The following FOCAD variants were observed in gnomAD, a reference collection of about 807,000 sequenced individuals.
FOCAD encodes focadhesin, also known as KIAA1797.
FOCAD carries 198 observed loss-of-function variants against 225.6 expected under a neutral mutation model. That is an observed-to-expected ratio of 0.88 (90% CI 0.78 to 0.99). The LOEUF (loss-of-function observed/expected upper bound fraction) is 0.99, where lower values mean the gene tolerates loss of function less well. Ranked by LOEUF, FOCAD falls within the 50% of genes least tolerant of loss-of-function variation. The pLI, the probability that FOCAD is intolerant of heterozygous loss-of-function variation, is 0.00. For synonymous variants in FOCAD, 897 were observed against 755.0 expected (o/e 1.19, Z -3.08); for missense variants, 2,713 against 2,123.6 (o/e 1.28, Z -5.46).
upstream of FOCAD, among the ~76,000 whole-genome samples, chr9:20,679,855 C>T (rs886813931): frequency 6.6e-6 from 1 of 151,980 alleles, no homozygotes; most frequent in African/African-American, 2.4e-5. Context: ...GCTGGGCCTT[C>T]TGGAATTAAG....
At chr9:20,694,001 G>A (rs1463152764) in intron 1 of FOCAD, among the ~76,000 whole-genome samples, 13 of 152,174 alleles carry the variant, frequency 8.5e-5, no homozygotes, top group South Asian at 4.1e-4. Flanking sequence ...GTGAGCCACC[G>A]TGCCCAGCTG....
upstream of FOCAD, among the ~76,000 whole-genome samples, chr9:20,681,766 T>G (rs75216315): frequency 1.6e-3 from 245 of 152,328 alleles, 4 homozygotes; most frequent in East Asian, 0.035. Context: ...CCCTGCTGAA[T>G]TGCAGTTCCT....
chr9:20,792,467 G>A (rs750937619), intron 11 of FOCAD, among the ~76,000 whole-genome samples: 3 of 152,226 alleles, frequency 2.0e-5, no homozygotes, highest in African/African-American at 4.8e-5. Context: ...TCCTCAAAAC[G>A]TATCCCCATT....
At chr9:20,804,092 G>A (rs542143244) in intron 11 of FOCAD, among the ~76,000 whole-genome samples, 61 of 152,120 alleles carry the variant, frequency 4.0e-4, no homozygotes, top group African/African-American at 1.3e-3. Flanking sequence ...AGGTGGGTTC[G>A]ATTCACACCT....
chr9:20,829,372 T>C (rs559279383), intron 15 of FOCAD, among the ~76,000 whole-genome samples: 176 of 152,240 alleles, frequency 1.2e-3, no homozygotes, highest in African/African-American at 4.1e-3. Context: ...TGATTTGCAT[T>C]TCTCTGATGA....
At chr9:20,712,501 A>T (rs1331089577) in intron 1 of FOCAD, among the ~76,000 whole-genome samples, 1 of 143,340 alleles carries the variant, frequency 7.0e-6, no homozygotes, top group African/African-American at 2.6e-5. Context: ...TCTACTAAAA[A>T]TACAAAAATT....
At chr9:20,669,115 G>C (rs1821982475) in intron 2 of FOCAD, among the ~76,000 whole-genome samples, 1 of 152,138 alleles carries the variant, frequency 6.6e-6, no homozygotes, top group Non-Finnish European at 1.5e-5. Context: ...TGGGGGCCTT[G>C]TGCTTCACCA....
intron 4 of FOCAD, among the ~76,000 whole-genome samples, chr9:20,731,168 G>A (rs1156767212): frequency 6.6e-6 from 1 of 152,180 alleles, no homozygotes; most frequent in African/African-American, 2.4e-5. Flanking sequence ...AACCCAGGAG[G>A]TGGAGGTTGC....
At chr9:20,720,267 A>G in intron 3 of FOCAD, 113 bp from the exon 4 acceptor site, 1 of 1,017,444 alleles carries the variant, frequency 9.8e-7, no homozygotes. Context: ...TCATCTTTAT[A>G]AAGGAAAGCT....
Position 20,890,648 on chromosome 9 carries a change from G to A in FOCAD, c.2625+5418G>A, listed in dbSNP as rs535917466. Among the ~76,000 whole-genome samples the A allele has an allele frequency of 2.6e-5, 4 of 152,094 alleles. No homozygotes were observed. In the East Asian group the frequency reaches 5.8e-4, roughly 22 times the overall value. On this transcript the variant is annotated intron_variant, in intron 21 of 43. Transcript: ENST00000338382. ...TCTGTAGTTTTCTTGTAGTAATTTT[G>A]CCTGGTTGTGTTATCAGGGTAATTT...
Position 20,980,401 on chromosome 9 carries a change from G to A in FOCAD, c.4378-1025G>A, listed in dbSNP as rs568884963. On this transcript the variant is annotated intron_variant, in intron 37 of 43. Coordinates refer to ENST00000338382, the MANE Select transcript of FOCAD (RefSeq NM_001375567.1). ...TTTCCAGCCTGTTGGGTTGGCCTTCGAAATTTTCCTAAATTTTACTTATCC... is the reference window on the plus strand; with the variant it reads ...TTTCCAGCCTGTTGGGTTGGCCTTCAAAATTTTCCTAAATTTTACTTATCC... 7.9e-5 allele frequency among the ~76,000 whole-genome samples: 12 copies of A among 152,018 alleles called. No homozygotes were observed. The East Asian group carries it at 1.2e-3, about 15-fold the overall frequency.
intron 5 of FOCAD, among the ~76,000 whole-genome samples, chr9:20,757,414 T>A (rs955489575): frequency 6.6e-6 from 1 of 152,228 alleles, no homozygotes; most frequent in East Asian, 1.9e-4. Context: ...CCCCATTCTT[T>A]GAGAATCCTT....
At chr9:20,718,127 G>A (rs1298108975) in intron 3 of FOCAD, among the ~76,000 whole-genome samples, 1 of 152,152 alleles carries the variant, frequency 6.6e-6, no homozygotes, top group African/African-American at 2.4e-5. Flanking sequence ...GACTATTAAT[G>A]AAAAATAATA....
intron 9 of FOCAD, among the ~76,000 whole-genome samples, chr9:20,780,407 C>G (rs1245560394): frequency 6.6e-6 from 1 of 152,196 alleles, no homozygotes; most frequent in African/African-American, 2.4e-5. Flanking sequence ...CAGTATCAAA[C>G]AGTCAAATAC....
At chr9:20,753,642 C>T (rs1378909314) in intron 5 of FOCAD, among the ~76,000 whole-genome samples, 1 of 151,896 alleles carries the variant, frequency 6.6e-6, no homozygotes. Flanking sequence ...GTGTCTCTGC[C>T]CGGCTTTGGT....
chr9:20,769,292 T>C (rs1157327097), intron 7 of FOCAD, among the ~76,000 whole-genome samples: 1 of 152,228 alleles, frequency 6.6e-6, no homozygotes, highest in Non-Finnish European at 1.5e-5. Flanking sequence ...CGGTCAACCG[T>C]AGGCTTTCTT....
intron 35 of FOCAD, among the ~76,000 whole-genome samples, chr9:20,961,777 G>A (rs945977025): frequency 1.4e-4 from 21 of 152,142 alleles, no homozygotes; most frequent in Middle Eastern, 3.4e-3. Context: ...GCTGGACCAC[G>A]GTCCTAAACT....
chr9:20,882,938 T>C (rs1830800672), intron 20 of FOCAD, among the ~76,000 whole-genome samples: 1 of 152,142 alleles, frequency 6.6e-6, no homozygotes, highest in African/African-American at 2.4e-5. Context: ...TGGGGAGATA[T>C]ACCCTGGCAA....
At chr9:20,782,791 T>A (rs865865007) in intron 10 of FOCAD, among the ~76,000 whole-genome samples, 3 of 152,214 alleles carry the variant, frequency 2.0e-5, no homozygotes, top group Non-Finnish European at 4.4e-5. Context: ...ATACCTCTTA[T>A]GTTAAATGCT....
Sources: allele counts gnomAD v4.1 joint callset (sites outside exome capture counted in the v4.1 genomes callset), GRCh38; gene constraint gnomAD v4.1.1; transcripts MANE v1.5; gene names NCBI Gene and HGNC (gene_info 2026-07-23, HGNC 2026-07-21).